TSPAN9: variants seen among roughly 807,000 people sequenced by gnomAD.
TSPAN9 encodes the protein tetraspanin 9, also known as tetraspanin-9.
TSPAN9 carries 16 observed loss-of-function variants against 31.0 expected under a neutral mutation model. The ratio of observed to expected loss-of-function variants is 0.52; its 90% CI spans 0.35 to 0.78. The LOEUF is 0.78. Ranked by LOEUF, TSPAN9 falls within the 30% of genes least tolerant of loss-of-function variation. TSPAN9 has a pLI of 0.01. For synonymous variants in TSPAN9, 145 were observed against 121.6 expected (o/e 1.19, Z -1.27); for missense variants, 272 against 312.5 (o/e 0.87, Z 0.98).
chr12:3,125,656 T>G (rs2098327024), intron 2 of TSPAN9, among the ~76,000 whole-genome samples: 1 of 152,160 alleles, frequency 6.6e-6, no homozygotes, highest in East Asian at 1.9e-4. Context: ...CAGATGATGT[T>G]TGTCAGATAG....
intron 3 of TSPAN9, among the ~76,000 whole-genome samples, chr12:3,210,731 T>C (rs2098378215): frequency 6.7e-6 from 1 of 150,308 alleles, no homozygotes; most frequent in African/African-American, 2.4e-5. Context: ...TGCTATCTCA[T>C]GGATGTCTTT....
At chr12:3,244,835 G>A (rs753202139) in intron 3 of TSPAN9, among the ~76,000 whole-genome samples, 12 of 152,106 alleles carry the variant, frequency 7.9e-5, no homozygotes, top group Non-Finnish European at 1.3e-4. Flanking sequence ...CGGGAGCCTC[G>A]AGGGTTTTCC....
At chr12:3,229,725 G>A (rs377642268) in intron 3 of TSPAN9, among the ~76,000 whole-genome samples, 9 of 152,366 alleles carry the variant, frequency 5.9e-5, no homozygotes, top group African/African-American at 2.2e-4. Context: ...AGAGGAAGAA[G>A]GCCTGCAGCG....
At chr12:3,232,822 C>G (rs74798754) in intron 3 of TSPAN9, among the ~76,000 whole-genome samples, 1 of 152,232 alleles carries the variant, frequency 6.6e-6, no homozygotes, top group Non-Finnish European at 1.5e-5. Flanking sequence ...TGCAGGTGTA[C>G]GTTCCCTGCC....
intron 2 of TSPAN9, among the ~76,000 whole-genome samples, chr12:3,088,692 G>A (rs1443246936): frequency 6.6e-6 from 1 of 152,198 alleles, no homozygotes; most frequent in African/African-American, 2.4e-5. Context: ...GCATCCATTT[G>A]AGAAACTCAG....
chr12:3,135,301 G>A (rs1378344996), intron 2 of TSPAN9, among the ~76,000 whole-genome samples: 4 of 152,150 alleles, frequency 2.6e-5, no homozygotes, highest in African/African-American at 9.7e-5. Flanking sequence ...GCTCAGGCTG[G>A]TCTGGAACTC....
At chr12:3,215,880 G>C (rs1197439136) in intron 3 of TSPAN9, among the ~76,000 whole-genome samples, 1 of 151,714 alleles carries the variant, frequency 6.6e-6, no homozygotes, top group South Asian at 2.1e-4. Context: ...GGAGAACGTA[G>C]GTTGGTCCAG....
At chr12:3,173,824 C>G (rs2098353495) in intron 2 of TSPAN9, 1 of 152,190 alleles carries the variant, frequency 6.6e-6, no homozygotes, top group African/African-American at 2.4e-5. Context: ...TCTCTCTCTC[C>G]TTTCTGTCTT....
chr12:3,209,008 G>A (rs576121214), intron 3 of TSPAN9, among the ~76,000 whole-genome samples: 1 of 152,310 alleles, frequency 6.6e-6, no homozygotes, highest in African/African-American at 2.4e-5. Flanking sequence ...AGGCCAAGGT[G>A]GGTGGATCAC....
At chr12:3,281,454 T>G in intron 7 of TSPAN9, 125 bp downstream of exon 7, 2 of 904,774 alleles carry the variant, frequency 2.2e-6, no homozygotes, top group South Asian at 1.8e-5. Context: ...GGTGGGGGGC[T>G]CACAAAAATA....
At chr12:3,129,695 A>G (rs369922587) in intron 2 of TSPAN9, among the ~76,000 whole-genome samples, 1 of 152,242 alleles carries the variant, frequency 6.6e-6, no homozygotes, top group East Asian at 1.9e-4. Context: ...TGTCTGATAC[A>G]TTGTAAGCCC....
At chr12:3,226,726 G>A (rs891716643) in intron 3 of TSPAN9, among the ~76,000 whole-genome samples, 2 of 6,762 alleles carry the variant, frequency 3.0e-4, no homozygotes, top group African/African-American at 4.2e-4. Flanking sequence ...GTATGTGTGT[G>A]TGTGTGTGTG....
intron 2 of TSPAN9, among the ~76,000 whole-genome samples, chr12:3,093,397 G>T (rs549130624): frequency 2.6e-5 from 4 of 152,306 alleles, no homozygotes; most frequent in East Asian, 1.9e-4. Context: ...AAGTGGAGAG[G>T]TAGGGTCTGG....
chr12:3,172,345 C>G lies in TSPAN9; in HGVS notation c.-17-28832C>G, dbSNP rs1005063727. ...TCCCCGCCCAGCTCTGGAGGCAGCC[C>G]CGGGGAGCCGGCATGGTCAGGGTCA... On this transcript the variant is annotated intron_variant, in intron 2 of 8. Transcript: ENST00000011898. This position sits in a 1 kb window ranked among gnomAD's most constrained non-coding sequence, Gnocchi z 4.8. 2 of 152,364 alleles carry G rather than the reference C, an allele frequency of 1.3e-5. No homozygotes were observed. The highest frequency in any genetic ancestry group is 4.8e-5 in the African/African-American group (2 of 41,464). The allele number at this position is 152,364 out of a possible 1,614,324, so 9.4% of individuals were successfully genotyped here. A position where few individuals can be genotyped will look rare whatever the true frequency, so the allele number is the denominator to read the frequency against.
intron 1 of TSPAN9, among the ~76,000 whole-genome samples, chr12:3,081,093 G>C (rs1165774901): frequency 6.6e-6 from 1 of 152,218 alleles, no homozygotes; most frequent in Non-Finnish European, 1.5e-5. Flanking sequence ...AGTACTCAGG[G>C]TGTTGGGAAG....
intron 2 of TSPAN9, among the ~76,000 whole-genome samples, chr12:3,103,386 G>A (rs1269323096): frequency 1.3e-5 from 2 of 152,176 alleles, no homozygotes; most frequent in African/African-American, 4.8e-5. Flanking sequence ...GTGCTTATCT[G>A]TATGGGATTT....
intron 2 of TSPAN9, among the ~76,000 whole-genome samples, chr12:3,179,300 T>G (rs1341192201): frequency 6.6e-6 from 1 of 152,068 alleles, no homozygotes; most frequent in African/African-American, 2.4e-5. Flanking sequence ...TGACTCCAGG[T>G]GGGGTGGGGT....
intron 3 of TSPAN9, among the ~76,000 whole-genome samples, chr12:3,241,752 T>C (rs78338058): frequency 0.09 from 13,735 of 152,196 alleles, 664 homozygotes; most frequent in Middle Eastern, 0.15. Flanking sequence ...GTGTGCCCAG[T>C]GGGGCTGGGG....
chr12:3,148,068 A>T (rs1016031622), intron 2 of TSPAN9, among the ~76,000 whole-genome samples: 2 of 152,100 alleles, frequency 1.3e-5, no homozygotes, highest in African/African-American at 4.8e-5. Flanking sequence ...CTAGGGAAGG[A>T]ATTTTGAGCA....
Sources: allele counts gnomAD v4.1 joint callset (sites outside exome capture counted in the v4.1 genomes callset), GRCh38; gene constraint gnomAD v4.1.1; non-coding constraint Gnocchi (gnomAD v3.1); transcripts MANE v1.5; gene names NCBI Gene and HGNC (gene_info 2026-07-23, HGNC 2026-07-21).